The following BCAS3 variants were observed in gnomAD, a reference collection of about 807,000 sequenced individuals.
The protein encoded by BCAS3 is BCAS4/BCAS3 fusion.
In BCAS3, 53 loss-of-function variants were observed where a neutral mutation model predicts 116.1. That is an observed-to-expected ratio of 0.46 (90% CI 0.37 to 0.57). The LOEUF is 0.57. Ranked by LOEUF, BCAS3 falls within the 20% of genes least tolerant of loss-of-function variation. BCAS3 has a pLI of 0.00. For missense variants in BCAS3, 917 were observed against 1,165.4 expected (o/e 0.79, Z 3.10); for synonymous variants, 391 against 408.2 (o/e 0.96, Z 0.51).
At chr17:61,116,468 C>T (rs1404430659) in intron 22 of BCAS3, among the ~76,000 whole-genome samples, 2 of 152,116 alleles carry the variant, frequency 1.3e-5, no homozygotes, top group African/African-American at 2.4e-5. Context: ...CTCTTACATG[C>T]ATTTAGAACC....
chr17:61,059,913 C>G (rs544242260), intron 19 of BCAS3, among the ~76,000 whole-genome samples: 7 of 151,716 alleles, frequency 4.6e-5, no homozygotes, highest in Non-Finnish European at 1.0e-4. Flanking sequence ...GTAATCCCAG[C>G]CACTCGGGAA....
In BCAS3 at chr17:61,026,797, C is replaced by G. The variant is rs2066277270; in HGVS notation, c.1638-7869C>G. The G allele has an allele frequency of 1.5e-6, 2 of 1,376,408 alleles. No homozygotes were observed. The highest frequency in any genetic ancestry group is 2.5e-5 in the East Asian group (1 of 40,328). The allele number at this position is 1,376,408 out of a possible 1,614,324, so 85.3% of individuals were successfully genotyped here. ...CCATACTCTATAACAGTATGATATA[C>G]TTGTATTTGCTAATGTTAAATGAGT... is the stretch of plus-strand genomic sequence containing the variant. On this transcript the variant is annotated intron_variant, in intron 16 of 23. Transcript: ENST00000407086. The surrounding 1 kb of genome is among the most constrained non-coding windows in gnomAD (Gnocchi z 5.0).
chr17:60,740,498 CAAAA>C (rs774901641), intron 5 of BCAS3, among the ~76,000 whole-genome samples: 3 of 58,326 alleles, frequency 5.1e-5, no homozygotes, highest in African/African-American at 5.5e-5. Context: ...GACCCTGTCT[CAAAA>C]AAAAAAAAAA....
Position 61,180,457 on chromosome 17 carries a change from GC to G in BCAS3, c.2425+95896del, listed in dbSNP as rs1177154952. On this transcript the variant is annotated intron_variant, in intron 22 of 23. Coordinates refer to ENST00000407086, the MANE Select transcript of BCAS3 (RefSeq NM_017679.5). This position sits in a 1 kb window ranked among gnomAD's most constrained non-coding sequence, Gnocchi z 6.0. ...TAGAAATAATTTGGCTAAAATTCTG[GC>G]CCAGTGTTGTCAGAGGATATGAAAG... 6.6e-6 allele frequency among the ~76,000 whole-genome samples: 1 copy of G among 152,210 alleles called. No homozygotes were observed. Among genetic ancestry groups the G allele is most frequent in the African/African-American group, 2.4e-5 (1 of 41,448 alleles).
In BCAS3 at chr17:61,343,006, C is replaced by A. The variant is rs1231029104; in HGVS notation, c.2426-25321C>A. Among the ~76,000 whole-genome samples the A allele has an allele frequency of 6.6e-6, 1 of 152,202 alleles. No homozygotes were observed. Among genetic ancestry groups the A allele is most frequent in the Non-Finnish European group, 1.5e-5 (1 of 68,034 alleles). ...ATCTCAGATGATCCACCCACCTCGG[C>A]CTCCCAAAGTGCTGGGATTACAGGC... On this transcript the variant is annotated intron_variant, in intron 22 of 23. Transcript: ENST00000407086. The surrounding 1 kb of genome is among the most constrained non-coding windows in gnomAD (Gnocchi z 5.5).
At chr17:60,920,211 C>T (rs546226004) in intron 12 of BCAS3, among the ~76,000 whole-genome samples, 2 of 152,092 alleles carry the variant, frequency 1.3e-5, no homozygotes, top group Admixed American at 6.6e-5. Flanking sequence ...TTGGCTGAGT[C>T]CCCAAAAGCG....
chr17:60,965,159 C>T (rs545881098), intron 14 of BCAS3, among the ~76,000 whole-genome samples: 2 of 151,226 alleles, frequency 1.3e-5, no homozygotes, highest in African/African-American at 4.8e-5. Flanking sequence ...CTGATATAGG[C>T]ATTTATTGCT....
In BCAS3 at chr17:61,365,523, G is replaced by T. The variant is rs2058680227; in HGVS notation, c.2426-2804G>T. On this transcript the variant is annotated intron_variant, in intron 22 of 23. Transcript: ENST00000407086. This position sits in a 1 kb window ranked among gnomAD's most constrained non-coding sequence, Gnocchi z 4.6. ...TAACTTTTGTATTTTTAGTCGAGATGGCGTTTCACCATGTTGTCCAGGCTG... is the reference window on the plus strand; with the variant it reads ...TAACTTTTGTATTTTTAGTCGAGATTGCGTTTCACCATGTTGTCCAGGCTG... Among the ~76,000 whole-genome samples, 1 of 152,114 alleles carries T rather than the reference G, an allele frequency of 6.6e-6. No individual in the cohort carries two copies. The highest frequency in any genetic ancestry group is 2.4e-5 in the African/African-American group (1 of 41,406).
intron 5 of BCAS3, among the ~76,000 whole-genome samples, chr17:60,733,461 T>A (rs2040662762): frequency 6.6e-6 from 1 of 152,208 alleles, no homozygotes; most frequent in Non-Finnish European, 1.5e-5. Context: ...ATGAAAGATA[T>A]TTTTGACAGA....
chr17:61,172,975 A>G (rs541544992), intron 22 of BCAS3, among the ~76,000 whole-genome samples: 57 of 143,606 alleles, frequency 4.0e-4, no homozygotes, highest in South Asian at 1.4e-3. Context: ...GCGACAGAGC[A>G]AGATTCCATC....
rs568621671 is a variant in BCAS3 at position 60,757,117 on chromosome 17, C to T, written c.403+9838C>T. ...GGTGGTGGTTGCAATGAGCCGAGAT[C>T]GCACCACTGCACTCCAGCCTAGTGA... is the stretch of plus-strand genomic sequence containing the variant. On this transcript the variant is annotated intron_variant, in intron 6 of 23. Transcript: ENST00000407086. 1.8e-4 allele frequency among the ~76,000 whole-genome samples: 28 copies of T among 151,766 alleles called. No homozygotes were observed. The South Asian group carries it at 3.3e-3, about 18-fold the overall frequency.
At chr17:61,109,774 T>C (rs1450766395) in intron 22 of BCAS3, among the ~76,000 whole-genome samples, 2 of 152,234 alleles carry the variant, frequency 1.3e-5, no homozygotes, top group African/African-American at 4.8e-5. Context: ...TTAACCCACT[T>C]TTTGATGTGA....
rs1312604124 is a variant in BCAS3 at position 61,368,996 on chromosome 17, G to A, written c.2593+502G>A. ...CCTCTGAGCGAGTCCAGCAACTAGGGTCTGGGTGGCTTCCTGCATCCCAGA... is the reference window on the plus strand; with the variant it reads ...CCTCTGAGCGAGTCCAGCAACTAGGATCTGGGTGGCTTCCTGCATCCCAGA... On this transcript the variant is annotated intron_variant, in intron 23 of 23. Coordinates refer to ENST00000407086, the MANE Select transcript of BCAS3 (RefSeq NM_017679.5). The surrounding 1 kb of genome is among the most constrained non-coding windows in gnomAD (Gnocchi z 6.0). Among the ~76,000 whole-genome samples the A allele has an allele frequency of 1.3e-5, 2 of 152,118 alleles. No individual in the cohort carries two copies. Among genetic ancestry groups the A allele is most frequent in the African/African-American group, 4.8e-5 (2 of 41,418 alleles).
chr17:60,899,471 C>G (rs953007716), intron 10 of BCAS3, among the ~76,000 whole-genome samples: 19 of 152,126 alleles, frequency 1.2e-4, no homozygotes, highest in African/African-American at 4.6e-4. Context: ...GAGCCCAGAT[C>G]ACACCCTAGT....
Position 61,327,458 on chromosome 17 carries a change from A to T in BCAS3, c.2426-40869A>T, listed in dbSNP as rs1002946490. Among the ~76,000 whole-genome samples, 2 of 152,192 alleles carry T rather than the reference A, an allele frequency of 1.3e-5. No individual in the cohort carries two copies. Among genetic ancestry groups the T allele is most frequent in the Admixed American group, 6.5e-5 (1 of 15,282 alleles). ...TTGTAATGAGACTATATTGAGGGTT[A>T]GATAACAGGCAAGTATGTGGAGATG... On this transcript the variant is annotated intron_variant, in intron 22 of 23. Coordinates refer to ENST00000407086, the MANE Select transcript of BCAS3 (RefSeq NM_017679.5). The surrounding 1 kb of genome is among the most constrained non-coding windows in gnomAD (Gnocchi z 5.9).
At chr17:60,858,626 A>G (rs555974859) in intron 7 of BCAS3, among the ~76,000 whole-genome samples, 110 of 152,288 alleles carry the variant, frequency 7.2e-4, no homozygotes, top group Non-Finnish European at 1.4e-3. Context: ...TAGTTGTGAC[A>G]TATGGAAAAT....
chr17:60,849,317 CTT>C (rs1288257540), intron 7 of BCAS3, among the ~76,000 whole-genome samples: 1 of 149,078 alleles, frequency 6.7e-6, no homozygotes, highest in African/African-American at 2.5e-5. Flanking sequence ...TTTTAAATCT[CTT>C]TATTCATTTC....
chr17:60,957,895 G>A (rs1392090367), intron 14 of BCAS3, among the ~76,000 whole-genome samples: 1 of 152,132 alleles, frequency 6.6e-6, no homozygotes. Context: ...TCAATATTAG[G>A]ACCTCTACTT....
chr17:61,353,138 T>C (rs1392401968), intron 22 of BCAS3, among the ~76,000 whole-genome samples: 1 of 152,182 alleles, frequency 6.6e-6, no homozygotes, highest in Non-Finnish European at 1.5e-5. Context: ...AGACCAAGGT[T>C]CTGTCTGCTC....
Sources: allele counts gnomAD v4.1 joint callset (sites outside exome capture counted in the v4.1 genomes callset), GRCh38; gene constraint gnomAD v4.1.1; non-coding constraint Gnocchi (gnomAD v3.1); transcripts MANE v1.5; gene names NCBI Gene and HGNC (gene_info 2026-07-23, HGNC 2026-07-21).